AK7: variants seen among roughly 807,000 people sequenced by gnomAD.
The protein encoded by AK7 is adenylate kinase 7.
In AK7, 78 loss-of-function variants were observed where a neutral mutation model predicts 96.6. That is an observed-to-expected ratio of 0.81 (90% CI 0.67 to 0.97). The LOEUF is 0.97. Among genes scored for constraint, AK7 ranks in the 50% least tolerant of loss-of-function variants. The pLI, the probability that AK7 is intolerant of heterozygous loss-of-function variation, is 0.00. For synonymous variants in AK7, 302 were observed against 317.2 expected, an observed-to-expected ratio of 0.95 and a Z score of 0.51; for missense variants, 855 against 887.9, an observed-to-expected ratio of 0.96 and a Z score of 0.47.
chr14:96,398,174 A>T lies in AK7; in HGVS notation c.205A>T (p.Thr69Ser), dbSNP rs151078589. 2.7e-5 allele frequency: 43 copies of T among 1,614,200 alleles called. No individual in the cohort carries two copies. The African/African-American group carries it at 5.2e-4, about 20-fold the overall frequency. ...GTCAGCTATGCTGGAAGCTTCCTCA[A>T]CCAAAGTGAAGGAAGGCACATTCCA... is the stretch of plus-strand genomic sequence containing the variant. ...NKSAMLEASS[T>S]KVKEGTFQIV... The change falls in exon 2 of 18, where the codon ACC becomes TCC. Residue 69 changes from threonine to serine, a missense_variant. By Grantham distance (58) the Thr-to-Ser change is moderately conservative. Transcript: ENST00000267584.
At chr14:96,406,333 A>G (rs546732555) in intron 3 of AK7, among the ~76,000 whole-genome samples, 118 of 152,168 alleles carry the variant, frequency 7.8e-4, no homozygotes, top group Non-Finnish European at 1.3e-3. Context: ...TCTTAGGACC[A>G]CCCTCTCCCC....
At chr14:96,432,202 C>CTTTTTTT (rs71103525) in intron 5 of AK7, among the ~76,000 whole-genome samples, 4 of 101,196 alleles carry the variant, frequency 4.0e-5, no homozygotes, top group Non-Finnish European at 5.7e-5. Flanking sequence ...GCAACCCCTG[C>CTTTTTTT]TTTTTTTTTT....
intron 5 of AK7, chr14:96,421,404 T>G (rs1347663014): frequency 1.3e-5 from 2 of 152,370 alleles, no homozygotes; most frequent in African/African-American, 4.8e-5. Flanking sequence ...ACTCATCTAC[T>G]CCTTCTAACA....
At chr14:96,450,823 G>A (rs2140111309) in intron 9 of AK7, among the ~76,000 whole-genome samples, 1 of 137,784 alleles carries the variant, frequency 7.3e-6, no homozygotes, top group South Asian at 2.2e-4. Flanking sequence ...CGTCCAGGCT[G>A]GAGTGCAGTG....
At chr14:96,415,748 T>TAATTTAATACATTAATTAATTA (rs1566768442) in intron 4 of AK7, among the ~76,000 whole-genome samples, 2,832 of 133,952 alleles carry the variant, frequency 0.021, 105 homozygotes, top group African/African-American at 0.034. Context: ...TTAATTAAAT[T>TAATTTAATACATTAATTAATTA]AATTAATTTA....
intron 4 of AK7, among the ~76,000 whole-genome samples, 172 bp from the exon 5 acceptor site, chr14:96,420,650 A>G (rs565673867): frequency 3.1e-4 from 47 of 152,228 alleles, no homozygotes; most frequent in Non-Finnish European, 5.9e-4. Flanking sequence ...CTTGAGCCCA[A>G]GAGTTCAAGA....
intron 5 of AK7, among the ~76,000 whole-genome samples, chr14:96,436,176 G>T (rs1892626427): frequency 6.6e-6 from 1 of 152,192 alleles, no homozygotes; most frequent in Non-Finnish European, 1.5e-5. Context: ...TTGGGGGCAA[G>T]AAATGAGCCC....
intron 13 of AK7, among the ~76,000 whole-genome samples, chr14:96,472,322 C>T (rs1380112367): frequency 6.6e-6 from 1 of 152,118 alleles, no homozygotes; most frequent in Non-Finnish European, 1.5e-5. Context: ...TGACCACGCC[C>T]GACTAATTTA....
chr14:96,471,588 G>A lies in AK7; in HGVS notation c.1468G>A (p.Ala490Thr). The A allele has an allele frequency of 6.3e-7, 1 of 1,582,702 alleles. No individual in the cohort carries two copies. The highest frequency in any genetic ancestry group is 2.3e-5 in the East Asian group (1 of 43,816). Residue 490 changes from alanine to threonine, a missense_variant, in exon 13 of 18, where the codon GCA becomes ACA. Physicochemically the swap from Ala to Thr is moderately conservative, Grantham distance 58. Coordinates refer to ENST00000267584, the MANE Select transcript of AK7 (RefSeq NM_152327.5). ...TGGATTCCCAAAGACCTATGATCAA[G>A]CAAAAGACCTGTTCAATCGTAAGTT... ...LDGFPKTYDQAKDLFNQEDEE... is the reference protein window; with the variant it reads ...LDGFPKTYDQTKDLFNQEDEE...
chr14:96,447,013 A>C (rs1383065443), intron 8 of AK7, among the ~76,000 whole-genome samples: 1 of 152,226 alleles, frequency 6.6e-6, no homozygotes, highest in Non-Finnish European at 1.5e-5. Flanking sequence ...GTGCTAACAA[A>C]ACTGGGACTC....
At chr14:96,457,682 CTTTA>C (rs1566797549) in intron 11 of AK7, among the ~76,000 whole-genome samples, 2 of 152,098 alleles carry the variant, frequency 1.3e-5, no homozygotes, top group Admixed American at 1.3e-4. Flanking sequence ...TATTATCAAA[CTTTA>C]TTTATAAACT....
At chr14:96,407,760 T>C (rs528123626) in intron 3 of AK7, among the ~76,000 whole-genome samples, 1 of 151,920 alleles carries the variant, frequency 6.6e-6, no homozygotes, top group East Asian at 1.9e-4. Flanking sequence ...TTTTTGTATT[T>C]TTAGTAGAGA....
intron 12 of AK7, among the ~76,000 whole-genome samples, chr14:96,469,904 G>A (rs567670962): frequency 3.9e-5 from 6 of 152,146 alleles, no homozygotes; most frequent in East Asian, 3.9e-4. Context: ...TGCAACCTCC[G>A]CCTCCCGGGT....
intron 7 of AK7, among the ~76,000 whole-genome samples, chr14:96,445,934 T>A (rs570393938): frequency 6.6e-6 from 1 of 152,286 alleles, no homozygotes; most frequent in African/African-American, 2.4e-5. Context: ...AGCACCTACA[T>A]GCTAGGGCTG....
chr14:96,455,406 G>A (rs1566795735), intron 10 of AK7, among the ~76,000 whole-genome samples: 2 of 152,056 alleles, frequency 1.3e-5, no homozygotes, highest in Non-Finnish European at 2.9e-5. Flanking sequence ...GATGGTTTGA[G>A]CCCAGGAGTT....
At chr14:96,428,913 T>G (rs1003255958) in intron 5 of AK7, among the ~76,000 whole-genome samples, 1 of 152,222 alleles carries the variant, frequency 6.6e-6, no homozygotes, top group Non-Finnish European at 1.5e-5. Context: ...TTCCGTAGGT[T>G]GCCTGTTCAC....
intron 5 of AK7, among the ~76,000 whole-genome samples, chr14:96,422,374 G>C (rs535879762): frequency 2.0e-5 from 3 of 152,278 alleles, no homozygotes; most frequent in Admixed American, 6.5e-5. Context: ...CCATAGATAG[G>C]AGACATGAAG....
At chr14:96,423,633 G>A (rs903567900) in intron 5 of AK7, 4 of 583,212 alleles carry the variant, frequency 6.9e-6, no homozygotes, top group Non-Finnish European at 1.3e-5. Context: ...GGTACATGCA[G>A]CACTGAACTG....
chr14:96,441,671 A>G (rs1892970019), intron 6 of AK7, among the ~76,000 whole-genome samples: 1 of 151,912 alleles, frequency 6.6e-6, no homozygotes, highest in African/African-American at 2.4e-5. Flanking sequence ...AAGAAAACAA[A>G]ATAAAATCTT....
Sources: allele counts gnomAD v4.1 joint callset (sites outside exome capture counted in the v4.1 genomes callset), GRCh38; gene constraint gnomAD v4.1.1; transcripts MANE v1.5; gene names NCBI Gene and HGNC (gene_info 2026-07-23, HGNC 2026-07-21).